Variants in TBC1D2 observed in about 807,000 individuals in gnomAD.
TBC1D2 encodes TBC1 domain family member 2A.
Under a neutral mutation model 91.1 loss-of-function variants are expected in TBC1D2, and 58 were observed. The ratio of observed to expected loss-of-function variants is 0.64; its 90% CI spans 0.52 to 0.79. TBC1D2 has a LOEUF of 0.79. TBC1D2 is among the 30% of genes least tolerant of loss of function. The probability of loss-of-function intolerance (pLI) is 0.00; values close to 1 mark genes in which losing one functional copy is unlikely to be tolerated. For missense variants in TBC1D2, 1,080 were observed against 1,208.3 expected, an observed-to-expected ratio of 0.89 and a Z score of 1.57; for synonymous variants, 482 against 511.5, an observed-to-expected ratio of 0.94 and a Z score of 0.78.
At position 98,208,733 on chromosome 9, in the gene TBC1D2, G is replaced by T; in HGVS notation, c.2085C>A (p.Leu695=). 1 of 1,559,890 alleles carries T rather than the reference G, an allele frequency of 6.4e-7. No homozygotes were observed. The highest frequency in any genetic ancestry group is 1.2e-5 in the South Asian group (1 of 82,082). Reference sequence around the variant, plus strand: ...AGGAGAAGGCCAGCAGCACCCGGCGGAGCTTGTCGGGGAAGCTGGAGGTGG... The same window carrying T: ...AGGAGAAGGCCAGCAGCACCCGGCGTAGCTTGTCGGGGAAGCTGGAGGTGG... ...TCPTSSFPDK[L]RRVLLAFSWQ... Residue 695 remains leucine, a synonymous_variant, in exon 9 of 13, where the codon CTC becomes CTA. Transcript: ENST00000465784.
At chr9:98,237,344 C>CAA (rs113459757) in intron 3 of TBC1D2, among the ~76,000 whole-genome samples, 1 of 102,966 alleles carries the variant, frequency 9.7e-6, no homozygotes. Flanking sequence ...AAGACTGTCT[C>CAA]AAAAAAAAAA....
rs150464645 is a variant in TBC1D2 at position 98,205,643 on chromosome 9, C to A, written c.2151-2235G>T. Among the ~76,000 whole-genome samples, 225 of 151,782 alleles carry A rather than the reference C, an allele frequency of 1.5e-3. 1 individual carries two copies. Among genetic ancestry groups the A allele is most frequent in the African/African-American group, 5.2e-3 (214 of 41,376 alleles). On this transcript the variant is annotated intron_variant, in intron 9 of 12. Transcript: ENST00000465784. The stretch of plus-strand genomic sequence containing the variant: ...CTCACTGCAACCTCTGCCTCCTTAT[C>A]ACCTCAGCCTCCCGAGTAGCTAGAA...
chr9:98,240,164 GTGGTGT>G (rs1563986814), intron 3 of TBC1D2, among the ~76,000 whole-genome samples: 2 of 119,254 alleles, frequency 1.7e-5, no homozygotes. Flanking sequence ...GTGTGTTTGT[GTGGTGT>G]GTGTGTGTGT....
At chr9:98,245,906 A>G (rs1430869965) in intron 2 of TBC1D2, among the ~76,000 whole-genome samples, 1 of 152,220 alleles carries the variant, frequency 6.6e-6, no homozygotes, top group Non-Finnish European at 1.5e-5. Context: ...AATAAAAGGC[A>G]GGCAGGAGGT....
At chr9:98,240,168 T>G (rs1261564661) in intron 3 of TBC1D2, among the ~76,000 whole-genome samples, 2 of 99,244 alleles carry the variant, frequency 2.0e-5, no homozygotes, top group East Asian at 5.7e-4. Flanking sequence ...GTTTGTGTGG[T>G]GTGTGTGTGT....
chr9:98,255,278 AT>A lies in TBC1D2; in HGVS notation c.263del (p.Asn88IlefsTer35). 6.2e-7 allele frequency: 1 copy of A among 1,614,212 alleles called. No homozygotes were observed. The highest frequency in any genetic ancestry group is 1.1e-5 in the South Asian group (1 of 91,090). ...LYYSRTAQDANPLDSIDLSSA... is the reference protein window; with the variant it reads ...LYYSRTAQDAXPLDSIDLSSA... ...TGGAGAGGTCGATGCTGTCCAAGGG[AT>A]TGGCATCCTGAGCGGTCCGCGAGTA... is the stretch of plus-strand genomic sequence containing the variant. On this transcript the variant is annotated frameshift_variant, in exon 1 of 13. Transcript: ENST00000465784. LOFTEE classifies it high-confidence loss of function.
At chr9:98,199,624 C>T in intron 12 of TBC1D2, 36 bp from the exon 13 acceptor site, 1 of 1,608,388 alleles carries the variant, frequency 6.2e-7, no homozygotes, top group Non-Finnish European at 8.5e-7. Flanking sequence ...GAGCACGTCA[C>T]CCCACCTGGC....
At chr9:98,218,749 G>A (rs1829028234) in intron 6 of TBC1D2, among the ~76,000 whole-genome samples, 1 of 152,072 alleles carries the variant, frequency 6.6e-6, no homozygotes, top group South Asian at 2.1e-4. Flanking sequence ...GGAGTGCAGT[G>A]GCACAATCTC....
chr9:98,226,700 T>G (rs1829240465), intron 5 of TBC1D2, among the ~76,000 whole-genome samples: 1 of 152,250 alleles, frequency 6.6e-6, no homozygotes. Context: ...CAACTCATTC[T>G]CCTTTTGACC....
At chr9:98,201,962 C>T (rs1021616807) in intron 10 of TBC1D2, among the ~76,000 whole-genome samples, 17 of 152,298 alleles carry the variant, frequency 1.1e-4, no homozygotes, top group African/African-American at 3.8e-4. Flanking sequence ...ATCTGAATCC[C>T]TTGAGCCAAG....
At chr9:98,237,518 T>C (rs1047845211) in intron 3 of TBC1D2, among the ~76,000 whole-genome samples, 1 of 151,822 alleles carries the variant, frequency 6.6e-6, no homozygotes, top group Non-Finnish European at 1.5e-5. Flanking sequence ...TTTTTCTTTT[T>C]TTTTTTGAGA....
At chr9:98,207,729 G>A (rs1460993581) in intron 9 of TBC1D2, among the ~76,000 whole-genome samples, 1 of 152,244 alleles carries the variant, frequency 6.6e-6, no homozygotes, top group East Asian at 1.9e-4. Flanking sequence ...TGCTGAGAGA[G>A]AAGGAAGCAG....
intron 3 of TBC1D2, among the ~76,000 whole-genome samples, chr9:98,235,966 T>C (rs58123478): frequency 0.038 from 5,690 of 149,630 alleles, 202 homozygotes; most frequent in African/African-American, 0.088. Context: ...ACCTGGGAGG[T>C]GGAGCTTGCA....
chr9:98,215,387 C>T (rs1462082893), intron 6 of TBC1D2, among the ~76,000 whole-genome samples: 1 of 152,220 alleles, frequency 6.6e-6, no homozygotes, highest in Admixed American at 6.5e-5. Context: ...ATCCTCCTAG[C>T]AACCCTAGAA....
intron 3 of TBC1D2, among the ~76,000 whole-genome samples, chr9:98,238,370 C>G (rs1368129336): frequency 7.3e-6 from 1 of 136,678 alleles, no homozygotes; most frequent in Non-Finnish European, 1.5e-5. Context: ...GGAATGTTTT[C>G]TTAATTTTAT....
At chr9:98,236,154 T>TA (rs1205372017) in intron 3 of TBC1D2, among the ~76,000 whole-genome samples, 14 of 151,504 alleles carry the variant, frequency 9.2e-5, no homozygotes, top group African/African-American at 1.9e-4. Flanking sequence ...TTTTATTTAT[T>TA]AAAAAAAAAC....
Position 98,210,760 on chromosome 9 carries a change from G to T in TBC1D2, c.1569C>A (p.Asp523Glu). 1 of 1,566,876 alleles carries T rather than the reference G, an allele frequency of 6.4e-7. No individual in the cohort carries two copies. ...GCAGCTCTGAGCACTCGCTGGCTTC[G>T]TCCCCCAGGGCCTCCTGCAGCCTTC... ...GLRRLQEALG[D>E]EASECSELLR... The change falls in exon 8 of 13, where the codon GAC becomes GAA. Residue 523 changes from aspartate to glutamate, a missense_variant. Transcript: ENST00000465784.
chr9:98,232,601 AGCCACCAT>A (rs1829399440), intron 4 of TBC1D2, among the ~76,000 whole-genome samples: 1 of 152,108 alleles, frequency 6.6e-6, no homozygotes, highest in Admixed American at 6.6e-5. Context: ...TACAAGCGTG[AGCCACCAT>A]GCCCAGCCTC....
intron 4 of TBC1D2, among the ~76,000 whole-genome samples, chr9:98,231,979 G>A (rs1829380000): frequency 6.6e-6 from 1 of 152,138 alleles, no homozygotes; most frequent in African/African-American, 2.4e-5. Flanking sequence ...GGCCACCTAG[G>A]GTTATGGGGC....
Sources: allele counts gnomAD v4.1 joint callset (sites outside exome capture counted in the v4.1 genomes callset), GRCh38; gene constraint gnomAD v4.1.1; transcripts MANE v1.5; gene names NCBI Gene and HGNC (gene_info 2026-07-23, HGNC 2026-07-21).